AGPAT4: variants seen among roughly 807,000 people sequenced by gnomAD.
AGPAT4 encodes the protein 1-acylglycerol-3-phosphate O-acyltransferase 4, also known as 1-acyl-sn-glycerol-3-phosphate acyltransferase delta.
In AGPAT4, 15 loss-of-function variants were observed where a neutral mutation model predicts 48.0. The observed-to-expected ratio is 0.31, with a 90% confidence interval of 0.21 to 0.48. The LOEUF is 0.48. Ranked by LOEUF, AGPAT4 falls within the 20% of genes least tolerant of loss-of-function variation. The pLI is 0.99. For synonymous variants in AGPAT4, 178 were observed against 198.7 expected (o/e 0.90, Z 0.88); for missense variants, 314 against 482.5 (o/e 0.65, Z 3.27).
chr6:161,228,677 AGC>A, intron 2 of AGPAT4, among the ~76,000 whole-genome samples: 3 of 149,792 alleles, frequency 2.0e-5, no homozygotes, highest in Non-Finnish European at 3.0e-5. Context: ...AAAAAAAAAA[AGC>A]CAGTCTTGGC....
At position 161,219,872 on chromosome 6, in the gene AGPAT4, T is replaced by TAGATAGATAGATAGGCAGGCAGGCAGGC. The variant is rs1375144242; in HGVS notation, c.178+12163_178+12164insGCCTGCCTGCCTGCCTATCTATCTATCT. Among the ~76,000 whole-genome samples, 1 of 121,166 alleles carries TAGATAGATAGATAGGCAGGCAGGCAGGC rather than the reference T, an allele frequency of 8.3e-6. No homozygotes were observed. Among genetic ancestry groups the TAGATAGATAGATAGGCAGGCAGGCAGGC allele is most frequent in the Non-Finnish European group, 1.9e-5 (1 of 53,806 alleles). 79.5% of individuals were successfully genotyped at this position (121,166 alleles called of 152,430 possible). A position where few individuals can be genotyped will look rare whatever the true frequency, so the allele number is the denominator to read the frequency against. On this transcript the variant is annotated intron_variant, in intron 2 of 8. Coordinates refer to ENST00000320285, the MANE Select transcript of AGPAT4 (RefSeq NM_020133.3). The surrounding 1 kb of genome is among the most constrained non-coding windows in gnomAD (Gnocchi z 4.9). Reference sequence around the variant, plus strand: ...ATAGATAGATAGATAGATAGATAGATAGGCAGGCAGGCAGGCAGGCAGGCA... The same window carrying TAGATAGATAGATAGGCAGGCAGGCAGGC: ...ATAGATAGATAGATAGATAGATAGATAGATAGATAGATAGGCAGGCAGGCAGGCAGGCAGGCAGGCAGGCAGGCAGGCA...
At chr6:161,269,226 C>T (rs980566587) in intron 1 of AGPAT4, among the ~76,000 whole-genome samples, 7 of 152,182 alleles carry the variant, frequency 4.6e-5, no homozygotes, top group African/African-American at 1.4e-4. Flanking sequence ...AAAGAGAATA[C>T]ACAAGCCTTC....
rs1782177068 is a variant in AGPAT4, at chr6:161,233,233, G to C, written c.-89-931C>G. 1.3e-5 allele frequency among the ~76,000 whole-genome samples: 2 copies of C among 151,986 alleles called. No individual in the cohort carries two copies. Among genetic ancestry groups the C allele is most frequent in the Admixed American group, 1.3e-4 (2 of 15,260 alleles). On this transcript the variant is annotated intron_variant, in intron 1 of 8. Coordinates refer to ENST00000320285, the MANE Select transcript of AGPAT4 (RefSeq NM_020133.3). The surrounding 1 kb of genome is among the most constrained non-coding windows in gnomAD (Gnocchi z 5.4). ...CTCACAGTCCTGTAATCAGTCTCCAGCTCAAAACAGAATAATGAAATGACT... is the reference window on the plus strand; with the variant it reads ...CTCACAGTCCTGTAATCAGTCTCCACCTCAAAACAGAATAATGAAATGACT...
rs769650279 is a variant in AGPAT4, at chr6:161,249,749, C to T, written c.-89-17447G>A. Among the ~76,000 whole-genome samples, 5 of 152,114 alleles carry T rather than the reference C, an allele frequency of 3.3e-5. No individual in the cohort carries two copies. The highest frequency in any genetic ancestry group is 6.5e-5 in the Admixed American group (1 of 15,268). ...GTTCAACCATTGTGGAAAACAGTGTCGCAATTCCTCAAAGACCTAAAAACA... is the reference window on the plus strand; with the variant it reads ...GTTCAACCATTGTGGAAAACAGTGTTGCAATTCCTCAAAGACCTAAAAACA... On this transcript the variant is annotated intron_variant, in intron 1 of 8. Coordinates refer to ENST00000320285, the MANE Select transcript of AGPAT4 (RefSeq NM_020133.3). The surrounding 1 kb of genome is among the most constrained non-coding windows in gnomAD (Gnocchi z 6.2).
chr6:161,224,659 AAG>A lies in AGPAT4; in HGVS notation c.178+7375_178+7376del, dbSNP rs1397854051. Among the ~76,000 whole-genome samples the A allele has an allele frequency of 6.0e-5, 9 of 150,774 alleles. No homozygotes were observed. The East Asian group carries it at 1.7e-3, about 29-fold the overall frequency. On this transcript the variant is annotated intron_variant, in intron 2 of 8. Transcript: ENST00000320285. ...CCTTCTCAAAAAAAAAAAAAAAAAA[AAG>A]AAAGAAAACCAGACTGCAAGCTCTC...
Position 161,165,860 on chromosome 6 carries a change from A to G in AGPAT4, c.348+388T>C. 1 of 593,198 alleles carries G rather than the reference A, an allele frequency of 1.7e-6. No homozygotes were observed. Among genetic ancestry groups the G allele is most frequent in the Non-Finnish European group, 3.0e-6 (1 of 331,344 alleles). The allele number at this position is 593,198 out of a possible 1,614,324, so 36.7% of individuals were successfully genotyped here. A position where few individuals can be genotyped will look rare whatever the true frequency, so the allele number is the denominator to read the frequency against. On this transcript the variant is annotated intron_variant, in intron 3 of 8. Transcript: ENST00000320285. The surrounding 1 kb of genome is among the most constrained non-coding windows in gnomAD (Gnocchi z 5.5). ...CTGTTAGCCAAGGAGGCAGTAGAGC[A>G]TGGAATTAAGAAATATGGATGGGAG...
intron 2 of AGPAT4, among the ~76,000 whole-genome samples, chr6:161,185,738 C>T (rs796577906): frequency 9.2e-5 from 14 of 152,282 alleles, no homozygotes; most frequent in African/African-American, 3.4e-4. Context: ...AGAGGCATCA[C>T]CCGAAACCTC....
rs980203907 is a variant in AGPAT4, at chr6:161,149,772, C to T, written c.665-483G>A. ...GGTCAGACTGGTCTTGAACTCCTGA[C>T]CTCAAGTGCTCTGCCCGCCTCAGCC... On this transcript the variant is annotated intron_variant, in intron 5 of 8. Transcript: ENST00000320285. The surrounding 1 kb of genome is among the most constrained non-coding windows in gnomAD (Gnocchi z 6.5). Among the ~76,000 whole-genome samples, 2 of 152,112 alleles carry T rather than the reference C, an allele frequency of 1.3e-5. No homozygotes were observed. The highest frequency in any genetic ancestry group is 4.8e-5 in the African/African-American group (2 of 41,416).
At chr6:161,160,171 A>T (rs994077540) in intron 3 of AGPAT4, 6 of 124,682 alleles carry the variant, frequency 4.8e-5, no homozygotes, top group Non-Finnish European at 9.4e-5. Flanking sequence ...CATGTTGGCC[A>T]GGTTGGTCTC....
rs2115030715 is a variant in AGPAT4 at position 161,225,250 on chromosome 6, C to T, written c.178+6786G>A. ...CATTTTTCCCGCCAAACCACTCACC[C>T]CGTCACTCTCTTTAAATTAGCCAAT... On this transcript the variant is annotated intron_variant, in intron 2 of 8. Coordinates refer to ENST00000320285, the MANE Select transcript of AGPAT4 (RefSeq NM_020133.3). The surrounding 1 kb of genome is among the most constrained non-coding windows in gnomAD (Gnocchi z 5.0). 6.6e-6 allele frequency among the ~76,000 whole-genome samples: 1 copy of T among 152,304 alleles called. No individual in the cohort carries two copies. Among genetic ancestry groups the T allele is most frequent in the African/African-American group, 2.4e-5 (1 of 41,568 alleles).
In AGPAT4 at chr6:161,242,290, T is replaced by C. The variant is rs930117250; in HGVS notation, c.-89-9988A>G. On this transcript the variant is annotated intron_variant, in intron 1 of 8. Coordinates refer to ENST00000320285, the MANE Select transcript of AGPAT4 (RefSeq NM_020133.3). The surrounding 1 kb of genome is among the most constrained non-coding windows in gnomAD (Gnocchi z 5.0). Reference sequence around the variant, plus strand: ...CTTTTAACCAGTCTCACGCTCTTAATGCTGCCTATAAGACAAGAAGCCCAA... The same window carrying C: ...CTTTTAACCAGTCTCACGCTCTTAACGCTGCCTATAAGACAAGAAGCCCAA... 1.3e-5 allele frequency among the ~76,000 whole-genome samples: 2 copies of C among 152,236 alleles called. No homozygotes were observed. Among genetic ancestry groups the C allele is most frequent in the Admixed American group, 1.3e-4 (2 of 15,286 alleles).
Position 161,251,906 on chromosome 6 carries a change from T to C in AGPAT4, c.-89-19604A>G, listed in dbSNP as rs1225652902. On this transcript the variant is annotated intron_variant, in intron 1 of 8. Transcript: ENST00000320285. This position sits in a 1 kb window ranked among gnomAD's most constrained non-coding sequence, Gnocchi z 4.6. ...AGATTAGGGAATGGAAGGCCTATGA[T>C]GGTAGGGAATTGTAATTATCTTCTT... 6.6e-6 allele frequency among the ~76,000 whole-genome samples: 1 copy of C among 152,202 alleles called. No homozygotes were observed. Among genetic ancestry groups the C allele is most frequent in the Non-Finnish European group, 1.5e-5 (1 of 68,036 alleles).
In AGPAT4 at chr6:161,159,776, T is replaced by C. The variant is rs1434944087; in HGVS notation, c.349-5466A>G. On this transcript the variant is annotated intron_variant, in intron 3 of 8. Coordinates refer to ENST00000320285, the MANE Select transcript of AGPAT4 (RefSeq NM_020133.3). This position sits in a 1 kb window ranked among gnomAD's most constrained non-coding sequence, Gnocchi z 4.1. ...CTCCTGCCTCAGCCTCCGGAGTAGC[T>C]GGGATTACAGGCACCTGCCACCGTG... 6.6e-6 allele frequency among the ~76,000 whole-genome samples: 1 copy of C among 151,678 alleles called. No individual in the cohort carries two copies. Among genetic ancestry groups the C allele is most frequent in the Non-Finnish European group, 1.5e-5 (1 of 67,968 alleles).
At position 161,137,270 on chromosome 6, in the gene AGPAT4, G is replaced by A. The variant is rs1779096706; in HGVS notation, c.1043-636C>T. Among the ~76,000 whole-genome samples, 1 of 152,216 alleles carries A rather than the reference G, an allele frequency of 6.6e-6. No homozygotes were observed. The highest frequency in any genetic ancestry group is 2.4e-5 in the African/African-American group (1 of 41,446). On this transcript the variant is annotated intron_variant, in intron 8 of 8. Transcript: ENST00000320285. The surrounding 1 kb of genome is among the most constrained non-coding windows in gnomAD (Gnocchi z 6.1). ...ACACCCTCTGGAGCGGGCAGATGTG[G>A]TGAGGTCCTTGGGTGCAGGGCCCAA...
chr6:161,172,880 G>A (rs1048278644), intron 2 of AGPAT4, among the ~76,000 whole-genome samples: 1 of 151,418 alleles, frequency 6.6e-6, no homozygotes, highest in Non-Finnish European at 1.5e-5. Flanking sequence ...ACCTATGAGT[G>A]AGAACATGCA....
In AGPAT4 at chr6:161,177,924, C is replaced by T. The variant is rs897774657; in HGVS notation, c.179-11507G>A. On this transcript the variant is annotated intron_variant, in intron 2 of 8. Transcript: ENST00000320285. The surrounding 1 kb of genome is among the most constrained non-coding windows in gnomAD (Gnocchi z 5.0). ...GAGTTTGCTGGAAGTCCACTCCAGT[C>T]CTGTTTATCTGGGTATCACCAGTGG... 9.2e-5 allele frequency among the ~76,000 whole-genome samples: 14 copies of T among 152,176 alleles called. No homozygotes were observed. Among genetic ancestry groups the T allele is most frequent in the African/African-American group, 3.1e-4 (13 of 41,434 alleles).
rs1337641079 is a variant in AGPAT4, at chr6:161,246,631, A to T, written c.-89-14329T>A. 6.6e-6 allele frequency among the ~76,000 whole-genome samples: 1 copy of T among 151,802 alleles called. No individual in the cohort carries two copies. The highest frequency in any genetic ancestry group is 1.5e-5 in the Non-Finnish European group (1 of 67,952). On this transcript the variant is annotated intron_variant, in intron 1 of 8. Coordinates refer to ENST00000320285, the MANE Select transcript of AGPAT4 (RefSeq NM_020133.3). The surrounding 1 kb of genome is among the most constrained non-coding windows in gnomAD (Gnocchi z 5.5). ...TCCATGTTGGTCAGGCTGGTCTCGA[A>T]CTCCCAATCTCAGGTGATCCACCGC...
intron 1 of AGPAT4, among the ~76,000 whole-genome samples, chr6:161,248,896 A>G (rs774668329): frequency 3.1e-4 from 47 of 152,334 alleles, no homozygotes; most frequent in Non-Finnish European, 5.7e-4. Context: ...TGGAGGCATC[A>G]CACTATCTGA....
At chr6:161,224,640 C>CAAAAAAAA (rs71543000) in intron 2 of AGPAT4, among the ~76,000 whole-genome samples, 1 of 78,662 alleles carries the variant, frequency 1.3e-5, no homozygotes, top group Non-Finnish European at 2.4e-5. Context: ...GACTCCTTCT[C>CAAAAAAAA]AAAAAAAAAA....
Sources: allele counts gnomAD v4.1 joint callset (sites outside exome capture counted in the v4.1 genomes callset), GRCh38; gene constraint gnomAD v4.1.1; non-coding constraint Gnocchi (gnomAD v3.1); transcripts MANE v1.5; gene names NCBI Gene and HGNC (gene_info 2026-07-23, HGNC 2026-07-21).